Variants in TGFB3 observed in about 807,000 individuals in gnomAD.
The protein encoded by TGFB3 is transforming growth factor beta 3, also known as transforming growth factor beta-3 proprotein.
A neutral mutation model predicts 40.1 loss-of-function variants in TGFB3; 5 were observed. That is an observed-to-expected ratio of 0.12 (90% confidence interval 0.07 to 0.26). TGFB3 has a LOEUF of 0.26. Among genes scored for constraint, TGFB3 ranks in the 10% least tolerant of loss-of-function variants. TGFB3 has a pLI of 1.00. For missense variants in TGFB3, 373 were observed against 530.1 expected, an observed-to-expected ratio of 0.70 and a Z score of 2.91; for synonymous variants, 184 against 205.6, an observed-to-expected ratio of 0.89 and a Z score of 0.90.
rs774368444 is a variant in TGFB3, at chr14:75,980,618, G to T, written c.276C>A (p.Thr92=). 4 of 1,614,088 alleles carry T rather than the reference G, an allele frequency of 2.5e-6. No individual in the cohort carries two copies. The highest frequency in any genetic ancestry group is 3.4e-6 in the Non-Finnish European group (4 of 1,180,050). ...AGTATTCCGACTCGGTGTTTTCCTG[G>T]GTGCAGCCTTCCTCCCTCTCCCCAT... ...EMHGEREEGC[T]QENTESEYYA... The change falls in exon 1 of 7, where the codon ACC becomes ACA. Residue 92 remains threonine (T), a synonymous_variant. Coordinates refer to ENST00000238682, the MANE Select transcript of TGFB3 (RefSeq NM_003239.5). This position sits in a 1 kb window ranked among gnomAD's most constrained non-coding sequence, Gnocchi z 4.3.
At position 75,978,544 on chromosome 14, in the gene TGFB3, C is replaced by T. The variant is rs2035382549; in HGVS notation, c.352+1998G>A. ...GCCTCATAGCATCGCACGTTGGCTCCTCCCCAGCATCCTGAACAGCATCCT... is the reference window on the plus strand; with the variant it reads ...GCCTCATAGCATCGCACGTTGGCTCTTCCCCAGCATCCTGAACAGCATCCT... On this transcript the variant is annotated intron_variant, in intron 1 of 6. Coordinates refer to ENST00000238682, the MANE Select transcript of TGFB3 (RefSeq NM_003239.5). The surrounding 1 kb of genome is among the most constrained non-coding windows in gnomAD (Gnocchi z 5.0). 1.3e-5 allele frequency among the ~76,000 whole-genome samples: 2 copies of T among 152,214 alleles called. No homozygotes were observed. The highest frequency in any genetic ancestry group is 4.8e-5 in the African/African-American group (2 of 41,450).
chr14:75,982,328 C>G (rs1479150283), upstream of TGFB3, among the ~76,000 whole-genome samples: 1 of 152,170 alleles, frequency 6.6e-6, no homozygotes, highest in Non-Finnish European at 1.5e-5. This position sits in a 1 kb window ranked among gnomAD's most constrained non-coding sequence, Gnocchi z 4.0. Flanking sequence ...CGGCCCGCGT[C>G]TACTCTCCCT....
intron 4 of TGFB3, among the ~76,000 whole-genome samples, chr14:75,965,296 A>G (rs960319893): frequency 1.3e-5 from 2 of 152,060 alleles, no homozygotes; most frequent in African/African-American, 2.4e-5. Flanking sequence ...TGAAAGAGGA[A>G]CTCTCATCCC....
chr14:75,962,340 C>T (rs188759753), intron 5 of TGFB3, among the ~76,000 whole-genome samples: 39 of 152,356 alleles, frequency 2.6e-4, no homozygotes, highest in African/African-American at 8.7e-4. Flanking sequence ...TACATGCCAG[C>T]CTTTGTGGCA....
At chr14:75,966,067 T>G (rs1174166783) in intron 3 of TGFB3, 2 of 341,610 alleles carry the variant, frequency 5.9e-6, no homozygotes, top group Non-Finnish European at 1.1e-5. Flanking sequence ...TCATGCCATC[T>G]ACATGGTTTT....
At chr14:75,962,820 A>G (rs1326472963) in intron 5 of TGFB3, among the ~76,000 whole-genome samples, 2 of 152,138 alleles carry the variant, frequency 1.3e-5, no homozygotes, top group African/African-American at 4.8e-5. Context: ...GCTACCCAGT[A>G]ATTTCTGAAT....
At chr14:75,965,819 T>C (rs2035214775) in intron 3 of TGFB3, 124 bp from the exon 4 acceptor site, 2 of 824,968 alleles carry the variant, frequency 2.4e-6, no homozygotes, top group Non-Finnish European at 2.1e-6. Flanking sequence ...CTGAGTTCTA[T>C]TGAGGGTCAC....
rs2035283807 is a variant in TGFB3 at position 75,970,970 on chromosome 14, A to C, written c.646+156T>G. On this transcript the variant is annotated intron_variant, in intron 3 of 6. Coordinates refer to ENST00000238682, the MANE Select transcript of TGFB3 (RefSeq NM_003239.5). ...GTCTTACAGTGAGCATTTAATAAAC[A>C]TTAGTTGAGTGAATGAATGGAGGAT... 4 of 1,058,916 alleles carry C rather than the reference A, an allele frequency of 3.8e-6. No individual in the cohort carries two copies. In the South Asian group the frequency reaches 5.2e-5, roughly 14 times the overall value. 65.6% of individuals were successfully genotyped at this position (1,058,916 alleles called of 1,614,324 possible). A position where few individuals can be genotyped will look rare whatever the true frequency, so the allele number is the denominator to read the frequency against.
rs1009380499 is a variant in TGFB3 at position 75,978,845 on chromosome 14, C to T, written c.352+1697G>A. On this transcript the variant is annotated intron_variant, in intron 1 of 6. Transcript: ENST00000238682. This position sits in a 1 kb window ranked among gnomAD's most constrained non-coding sequence, Gnocchi z 5.0. ...GGGGTCCTGGTGACTCAGAATGCTTCCTCCCTTGGACTCCTCCTGCTGACC... is the reference window on the plus strand; with the variant it reads ...GGGGTCCTGGTGACTCAGAATGCTTTCTCCCTTGGACTCCTCCTGCTGACC... Among the ~76,000 whole-genome samples, 5 of 152,162 alleles carry T rather than the reference C, an allele frequency of 3.3e-5. No individual in the cohort carries two copies. The highest frequency in any genetic ancestry group is 1.2e-4 in the African/African-American group (5 of 41,432).
chr14:75,972,675 C>G (rs939505164), intron 1 of TGFB3, among the ~76,000 whole-genome samples: 4 of 152,034 alleles, frequency 2.6e-5, no homozygotes, highest in Non-Finnish European at 5.9e-5. Context: ...TAAGAGGGGC[C>G]CGAAACAGCA....
intron 3 of TGFB3, among the ~76,000 whole-genome samples, chr14:75,966,991 A>T (rs2035228813): frequency 6.6e-6 from 1 of 152,162 alleles, no homozygotes; most frequent in Admixed American, 6.5e-5. Flanking sequence ...CGATGAGTTG[A>T]TTGATTTGCT....
chr14:75,962,693 C>G (rs2284791), intron 5 of TGFB3, among the ~76,000 whole-genome samples: 120,448 of 152,126 alleles, frequency 0.79, 48,004 homozygotes, highest in Non-Finnish European at 0.83. Flanking sequence ...CTCTCATGGG[C>G]GTGATCATCT....
Position 75,958,363 on chromosome 14 carries a change from A to G in TGFB3, c.*824T>C, listed in dbSNP as rs116586110. ...AGGGGAAGTGGGGGAAGAACCCATA[A>G]TGCCCCAAGGCTGCATGGAACCACA... On this transcript the variant is annotated 3_prime_UTR_variant, in exon 7 of 7. Transcript: ENST00000238682. The G allele has an allele frequency of 5.6e-3, 861 of 152,866 alleles. 14 individuals carry two copies. Among genetic ancestry groups the G allele is most frequent in the South Asian group, 0.027 (129 of 4,830 alleles). The allele number at this position is 152,866 out of a possible 1,614,324, so 9.5% of individuals were successfully genotyped here. A position where few individuals can be genotyped will look rare whatever the true frequency, so the allele number is the denominator to read the frequency against.
chr14:75,977,863 T>C (rs1015615786), intron 1 of TGFB3, among the ~76,000 whole-genome samples: 22 of 152,056 alleles, frequency 1.4e-4, no homozygotes, highest in African/African-American at 5.1e-4. Context: ...ATTTTACATA[T>C]AAATGAGTGC....
rs182931653 is a variant in TGFB3, at chr14:75,968,114, G to A, written c.647-2419C>T. ...CCTTGTGGACTCCAACCCACTCTGC[G>A]ACCCAGAATGCAGCCTGGGTACCTG... On this transcript the variant is annotated intron_variant, in intron 3 of 6. Transcript: ENST00000238682. Among the ~76,000 whole-genome samples, 5 of 152,310 alleles carry A rather than the reference G, an allele frequency of 3.3e-5. No homozygotes were observed. In the East Asian group the frequency reaches 5.8e-4, roughly 18 times the overall value.
At chr14:75,973,982 A>G (rs1415726085) in intron 1 of TGFB3, among the ~76,000 whole-genome samples, 1 of 152,164 alleles carries the variant, frequency 6.6e-6, no homozygotes, top group Non-Finnish European at 1.5e-5. Flanking sequence ...TCTACTAAAA[A>G]TATGAAAATT....
In TGFB3 at chr14:75,971,848, G is replaced by A. The variant is rs559950949; in HGVS notation, c.353-130C>T. The A allele has an allele frequency of 3.9e-4, 366 of 929,056 alleles. 1 individual carries two copies. The highest frequency in any genetic ancestry group is 4.6e-4 in the Non-Finnish European group (277 of 600,622). 57.6% of individuals were successfully genotyped at this position (929,056 alleles called of 1,614,324 possible). On this transcript the variant is annotated intron_variant, in intron 1 of 6. Transcript: ENST00000238682. This position sits in a 1 kb window ranked among gnomAD's most constrained non-coding sequence, Gnocchi z 4.5. The stretch of plus-strand genomic sequence containing the variant: ...CCCTAGAGGCTTGAGGCCTCAGACC[G>A]CAAGGTGGAGATACGAGGAAGATTC...
In TGFB3 at chr14:75,958,227, A is replaced by C. The variant is rs2035109498; in HGVS notation, c.*960T>G. ...ATATTCATACTTGTCTTTATACCTC[A>C]GTCTATGCGTCTGGGGCCAAGTCAC... is the stretch of plus-strand genomic sequence containing the variant. On this transcript the variant is annotated 3_prime_UTR_variant, in exon 7 of 7. Coordinates refer to ENST00000238682, the MANE Select transcript of TGFB3 (RefSeq NM_003239.5). 6.5e-6 allele frequency: 1 copy of C among 152,684 alleles called. No homozygotes were observed. Among genetic ancestry groups the C allele is most frequent in the African/African-American group, 2.4e-5 (1 of 41,460 alleles). The allele number at this position is 152,684 out of a possible 1,614,324, so 9.5% of individuals were successfully genotyped here.
In TGFB3 at chr14:75,977,556, G is replaced by A. The variant is rs559145423; in HGVS notation, c.352+2986C>T. 4.6e-5 allele frequency among the ~76,000 whole-genome samples: 7 copies of A among 151,370 alleles called. No individual in the cohort carries two copies. The East Asian group carries it at 7.8e-4, about 17-fold the overall frequency. On this transcript the variant is annotated intron_variant, in intron 1 of 6. Transcript: ENST00000238682. The stretch of plus-strand genomic sequence containing the variant: ...TGAGGCTCAGAGAGGTCACTTTTAC[G>A]TAGCTGCGGTTGCTTAACCTGCTTG...
Sources: gnomAD v4.1 joint callset for allele counts (sites outside exome capture counted in the v4.1 genomes callset) on GRCh38, gnomAD v4.1.1 for gene constraint, Gnocchi (gnomAD v3.1) non-coding constraint, MANE v1.5 for transcripts, NCBI Gene and HGNC (gene_info 2026-07-23, HGNC 2026-07-21) for gene names.